Variants in RAB30 observed in about 807,000 individuals in gnomAD.
The protein encoded by RAB30 is ras-related protein Rab-30.
A neutral mutation model predicts 25.1 loss-of-function variants in RAB30; 9 were observed. The observed-to-expected ratio is 0.36, with a 90% CI of 0.22 to 0.63. RAB30 has a LOEUF of 0.63. Among genes scored for constraint, RAB30 ranks in the 20% least tolerant of loss-of-function variants. The probability of loss-of-function intolerance (pLI) is 0.69; values close to 1 mark genes in which losing one functional copy is unlikely to be tolerated. For missense variants in RAB30, 140 were observed against 243.5 expected, an observed-to-expected ratio of 0.58 and a Z score of 2.83; for synonymous variants, 77 against 86.4, an observed-to-expected ratio of 0.89 and a Z score of 0.60.
intron 1 of RAB30, among the ~76,000 whole-genome samples, chr11:83,020,233 G>T (rs1365827886): frequency 5.9e-5 from 9 of 152,226 alleles, no homozygotes; most frequent in African/African-American, 2.2e-4. Flanking sequence ...GGGGGTCCAG[G>T]AAGGCCCCCG....
chr11:83,000,952 T>C (rs1857066905), intron 1 of RAB30, among the ~76,000 whole-genome samples: 2 of 137,562 alleles, frequency 1.5e-5, no homozygotes, highest in South Asian at 4.5e-4. Context: ...GAGGCTGAGG[T>C]AGGAGAATGG....
chr11:83,008,496 A>G (rs1244441888), intron 1 of RAB30, among the ~76,000 whole-genome samples: 1 of 152,200 alleles, frequency 6.6e-6, no homozygotes, highest in Non-Finnish European at 1.5e-5. Flanking sequence ...CCATTATTGC[A>G]TCCTTGAATC....
chr11:82,985,355 A>G (rs1856720577), intron 4 of RAB30, among the ~76,000 whole-genome samples: 1 of 152,242 alleles, frequency 6.6e-6, no homozygotes, highest in South Asian at 2.1e-4. Flanking sequence ...CTGGAGAACC[A>G]GCTTATTACC....
intron 1 of RAB30, among the ~76,000 whole-genome samples, chr11:83,049,488 G>GTT (rs71463145): frequency 5.5e-5 from 8 of 144,274 alleles, no homozygotes; most frequent in Admixed American, 2.1e-4. Context: ...CAGTTTTTGT[G>GTT]TTTTTTTTTT....
intron 2 of RAB30, among the ~76,000 whole-genome samples, chr11:82,995,527 C>T (rs1415407869): frequency 3.3e-5 from 5 of 152,182 alleles, no homozygotes; most frequent in South Asian, 4.1e-4. Context: ...TTTTAACTGT[C>T]TGCTAAATAA....
At chr11:83,013,734 A>AG (rs1010173639) in intron 1 of RAB30, among the ~76,000 whole-genome samples, 4 of 152,268 alleles carry the variant, frequency 2.6e-5, no homozygotes, top group African/African-American at 7.2e-5. Flanking sequence ...CCCAAAGTGC[A>AG]GGTCAATTAA....
At chr11:82,996,062 T>C (rs1272221680) in intron 2 of RAB30, among the ~76,000 whole-genome samples, 2 of 152,238 alleles carry the variant, frequency 1.3e-5, no homozygotes, top group Non-Finnish European at 2.9e-5. Context: ...TATATCTCCA[T>C]GGCAGTTGAC....
At chr11:83,049,428 C>T (rs1858305983) in intron 1 of RAB30, among the ~76,000 whole-genome samples, 1 of 146,384 alleles carries the variant, frequency 6.8e-6, no homozygotes, top group African/African-American at 2.5e-5. Context: ...AAAAAGGAGG[C>T]CAACATTTGC....
chr11:83,000,339 C>T (rs1355932751), intron 1 of RAB30, among the ~76,000 whole-genome samples: 2 of 152,236 alleles, frequency 1.3e-5, no homozygotes, highest in African/African-American at 2.4e-5. Flanking sequence ...CTTTCCTCTT[C>T]ACCTCTGGCT....
At chr11:83,066,397 C>A (rs1858697422) in intron 1 of RAB30, among the ~76,000 whole-genome samples, 1 of 151,812 alleles carries the variant, frequency 6.6e-6, no homozygotes, top group African/African-American at 2.4e-5. Context: ...ACTCTGAGAC[C>A]CATTGATTCA....
Position 82,980,994 on chromosome 11 carries a change from T to C in RAB30, c.*1171A>G, listed in dbSNP as rs1856627995. On this transcript the variant is annotated 3_prime_UTR_variant, in exon 5 of 5. Transcript: ENST00000527633. ...AATCTGCTTCCACGAGCAGAATTTT[T>C]CTAAGGTTATCATCGAAGATATAAA... 6.6e-6 allele frequency: 1 copy of C among 152,216 alleles called. No homozygotes were observed. The allele number at this position is 152,216 out of a possible 1,614,324, so 9.4% of individuals were successfully genotyped here. A position where few individuals can be genotyped will look rare whatever the true frequency, so the allele number is the denominator to read the frequency against.
At chr11:83,057,743 G>A (rs1190354017) in intron 1 of RAB30, among the ~76,000 whole-genome samples, 1 of 152,160 alleles carries the variant, frequency 6.6e-6, no homozygotes, top group East Asian at 1.9e-4. Flanking sequence ...ATAACTAAAT[G>A]TGATTTGATG....
intron 4 of RAB30, among the ~76,000 whole-genome samples, chr11:82,985,300 T>G (rs1201611743): frequency 2.6e-5 from 4 of 152,168 alleles, no homozygotes; most frequent in Non-Finnish European, 5.9e-5. Flanking sequence ...TTTATAATAA[T>G]ATTACAAATA....
Position 83,067,281 on chromosome 11 carries a change from A to G in RAB30, c.-9+4410T>C, listed in dbSNP as rs1858723352. ...TATAACAAATAAGTAAACTGAGTAT[A>G]CTGTTGTTTTCCATGCTGGGGTAAG... On this transcript the variant is annotated intron_variant, in intron 1 of 4. Coordinates refer to ENST00000527633, the MANE Select transcript of RAB30 (RefSeq NM_001286060.2). Among the ~76,000 whole-genome samples, 6 of 152,292 alleles carry G rather than the reference A, an allele frequency of 3.9e-5. No individual in the cohort carries two copies. The South Asian group carries it at 1.2e-3, about 32-fold the overall frequency.
chr11:83,005,798 A>T (rs191072553), intron 1 of RAB30, among the ~76,000 whole-genome samples: 5,333 of 152,134 alleles, frequency 0.035, 323 homozygotes, highest in African/African-American at 0.12. Flanking sequence ...TGAAGAACTG[A>T]CTGCAATATA....
rs933154199 is a variant in RAB30 at position 82,976,488 on chromosome 11, CAA to C, written c.*5675_*5676del. 2.6e-5 allele frequency: 4 copies of C among 152,122 alleles called. No homozygotes were observed. The highest frequency in any genetic ancestry group is 9.7e-5 in the African/African-American group (4 of 41,420). 9.4% of individuals were successfully genotyped at this position (152,122 alleles called of 1,614,324 possible). A position where few individuals can be genotyped will look rare whatever the true frequency, so the allele number is the denominator to read the frequency against. On this transcript the variant is annotated 3_prime_UTR_variant, in exon 5 of 5. Coordinates refer to ENST00000527633, the MANE Select transcript of RAB30 (RefSeq NM_001286060.2). ...CTATATAACTCCCCACATCACTCTC[CAA>C]AGTGTCAAAGTCAGCAACCACCACC...
chr11:83,033,133 C>T (rs1857912058), intron 1 of RAB30, among the ~76,000 whole-genome samples: 1 of 141,578 alleles, frequency 7.1e-6, no homozygotes, highest in South Asian at 2.3e-4. Flanking sequence ...GGCATGACCT[C>T]AGCTCACTAC....
chr11:82,989,688 G>A (rs2121446569), intron 3 of RAB30, among the ~76,000 whole-genome samples: 1 of 152,298 alleles, frequency 6.6e-6, no homozygotes, highest in Middle Eastern at 3.4e-3. Flanking sequence ...AGCTTCGAGG[G>A]TTAAAGTCAC....
chr11:83,000,442 A>T (rs1265361475), intron 1 of RAB30, among the ~76,000 whole-genome samples: 1 of 152,204 alleles, frequency 6.6e-6, no homozygotes, highest in Non-Finnish European at 1.5e-5. Flanking sequence ...TATAAACTAA[A>T]ATTCAATAAC....
Sources: gnomAD v4.1 joint callset for allele counts (sites outside exome capture counted in the v4.1 genomes callset) on GRCh38, gnomAD v4.1.1 for gene constraint, MANE v1.5 for transcripts, NCBI Gene and HGNC (gene_info 2026-07-23, HGNC 2026-07-21) for gene names.